BCL9: variants seen among roughly 807,000 people sequenced by gnomAD.
BCL9 encodes BCL9 transcription coactivator.
Under a neutral mutation model 88.5 loss-of-function variants are expected in BCL9, and 25 were observed. The ratio of observed to expected loss-of-function variants is 0.28; its 90% CI spans 0.21 to 0.39. The LOEUF (loss-of-function observed/expected upper bound fraction) is 0.39, where lower values mean the gene tolerates loss of function less well. Ranked by LOEUF, BCL9 falls within the 10% of genes least tolerant of loss-of-function variation. BCL9 has a pLI of 1.00. For synonymous variants in BCL9, 711 were observed against 673.3 expected (o/e 1.06, Z -0.87); for missense variants, 1,817 against 1,877.8 (o/e 0.97, Z 0.60).
chr1:147,604,497 C>G (rs782089247), intron 1 of BCL9, among the ~76,000 whole-genome samples: 2 of 152,102 alleles, frequency 1.3e-5, no homozygotes, highest in Non-Finnish European at 2.9e-5. Context: ...TAAAATGAGG[C>G]TTTTGTATCT....
At chr1:147,576,909 T>A (rs782800035) in intron 1 of BCL9, among the ~76,000 whole-genome samples, 6 of 152,280 alleles carry the variant, frequency 3.9e-5, no homozygotes, top group African/African-American at 1.4e-4. Context: ...GCAGAATCTA[T>A]CCGTTATCGT....
intron 1 of BCL9, among the ~76,000 whole-genome samples, chr1:147,578,586 A>G (rs587668903): frequency 8.5e-5 from 13 of 152,348 alleles, no homozygotes; most frequent in African/African-American, 2.4e-4. Flanking sequence ...GGGATACTCA[A>G]TCTTCTACTA....
At chr1:147,586,472 T>C (rs1553199223) in intron 1 of BCL9, among the ~76,000 whole-genome samples, 1 of 152,184 alleles carries the variant, frequency 6.6e-6, no homozygotes, top group Non-Finnish European at 1.5e-5. Flanking sequence ...TGCAGATTCT[T>C]ATCCTGCACT....
intron 1 of BCL9, among the ~76,000 whole-genome samples, chr1:147,584,642 C>A (rs587610662): frequency 1.3e-5 from 2 of 152,326 alleles, no homozygotes; most frequent in Admixed American, 1.3e-4. Context: ...TAGGCCTACA[C>A]AGAATACAGA....
At chr1:147,561,897 T>C (rs1655392645) in intron 1 of BCL9, among the ~76,000 whole-genome samples, 2 of 152,148 alleles carry the variant, frequency 1.3e-5, no homozygotes, top group African/African-American at 4.8e-5. Flanking sequence ...ACAGATGTTA[T>C]TGGAGGAAAT....
At chr1:147,585,493 T>C (rs1656562027) in intron 1 of BCL9, among the ~76,000 whole-genome samples, 1 of 152,134 alleles carries the variant, frequency 6.6e-6, no homozygotes, top group Non-Finnish European at 1.5e-5. Context: ...TAAAGTAATT[T>C]TCATGTTAAT....
chr1:147,593,020 G>T (rs1656911154), intron 1 of BCL9, among the ~76,000 whole-genome samples: 1 of 152,104 alleles, frequency 6.6e-6, no homozygotes, highest in Non-Finnish European at 1.5e-5. Context: ...TAAGCATTCT[G>T]GAAAAACAGA....
At chr1:147,617,526 T>TTATG (rs1319639087) in intron 7 of BCL9, among the ~76,000 whole-genome samples, 5 of 117,096 alleles carry the variant, frequency 4.3e-5, no homozygotes, top group Admixed American at 2.5e-4. Flanking sequence ...TCAGCTGATC[T>TTATG]TACCCACACA....
At chr1:147,583,887 AG>A (rs1553198896) in intron 1 of BCL9, among the ~76,000 whole-genome samples, 1 of 151,884 alleles carries the variant, frequency 6.6e-6, no homozygotes, top group Admixed American at 6.6e-5. Flanking sequence ...AGGGTGGTGG[AG>A]GTTGCAGTGA....
intron 1 of BCL9, among the ~76,000 whole-genome samples, chr1:147,560,421 C>T (rs1407509388): frequency 6.6e-5 from 10 of 151,894 alleles, no homozygotes; most frequent in African/African-American, 2.2e-4. Context: ...GAAACCCCCT[C>T]TCTACTAAAA....
intron 3 of BCL9, among the ~76,000 whole-genome samples, chr1:147,610,712 T>C (rs988729331): frequency 6.6e-6 from 1 of 152,228 alleles, no homozygotes; most frequent in Non-Finnish European, 1.5e-5. Context: ...GAGCAGAGAC[T>C]TAAAGTATGT....
At chr1:147,576,251 A>G (rs1412863638) in intron 1 of BCL9, among the ~76,000 whole-genome samples, 1 of 152,216 alleles carries the variant, frequency 6.6e-6, no homozygotes, top group African/African-American at 2.4e-5. Flanking sequence ...CACAAAGTAT[A>G]AAATTCACAA....
intron 1 of BCL9, among the ~76,000 whole-genome samples, chr1:147,542,652 C>T (rs1654385219): frequency 6.6e-6 from 1 of 152,216 alleles, no homozygotes; most frequent in Non-Finnish European, 1.5e-5. Context: ...AAGCCTTGTT[C>T]CACCTGTTGG....
intron 1 of BCL9, among the ~76,000 whole-genome samples, chr1:147,554,216 C>T (rs1372181712): frequency 1.3e-5 from 2 of 152,106 alleles, no homozygotes; most frequent in Non-Finnish European, 2.9e-5. Context: ...TTACGATTCA[C>T]CTTAAAATCA....
chr1:147,620,457 C>A lies in BCL9; in HGVS notation c.2302C>A (p.Pro768Thr). ...TGCTCAGCAGAAGATGGTGCCACTG[C>A]CATTTGGTGAGCACCCCCAGCAGGA... ...LPAQQKMVPL[P>T]FGEHPQQEYG... The change falls in exon 8 of 10, where the codon CCA becomes ACA. Residue 768 changes from proline (P) to threonine (T), a missense_variant. By Grantham distance (38) the Pro-to-Thr change is conservative (BLOSUM62 -1). Coordinates refer to ENST00000234739, the MANE Select transcript of BCL9 (RefSeq NM_004326.4). 1.2e-6 allele frequency: 2 copies of A among 1,614,046 alleles called. No individual in the cohort carries two copies. Among genetic ancestry groups the A allele is most frequent in the Non-Finnish European group, 1.7e-6 (2 of 1,179,976 alleles).
chr1:147,586,865 A>G (rs1656627015), intron 1 of BCL9, among the ~76,000 whole-genome samples: 1 of 152,106 alleles, frequency 6.6e-6, no homozygotes, highest in Non-Finnish European at 1.5e-5. Context: ...CAAACTCCTT[A>G]GCCTTAAATT....
At chr1:147,577,439 G>A (rs1374003435) in intron 1 of BCL9, among the ~76,000 whole-genome samples, 4 of 152,172 alleles carry the variant, frequency 2.6e-5, no homozygotes, top group Admixed American at 6.5e-5. Flanking sequence ...AGGCACTCAT[G>A]TCTGAGTAGA....
At chr1:147,593,066 T>C (rs1452833841) in intron 1 of BCL9, among the ~76,000 whole-genome samples, 1 of 152,158 alleles carries the variant, frequency 6.6e-6, no homozygotes, top group African/African-American at 2.4e-5. Context: ...CTAGATATTA[T>C]CATTATTACC....
intron 1 of BCL9, among the ~76,000 whole-genome samples, chr1:147,560,522 G>T (rs1273487137): frequency 2.6e-5 from 4 of 151,388 alleles, no homozygotes; most frequent in South Asian, 2.1e-4. Context: ...GTGGAGAATC[G>T]CTTGAACCCG....
Sources: allele counts gnomAD v4.1 joint callset (sites outside exome capture counted in the v4.1 genomes callset), GRCh38; gene constraint gnomAD v4.1.1; transcripts MANE v1.5; gene names NCBI Gene and HGNC (gene_info 2026-07-23, HGNC 2026-07-21).